The following SIDT1 variants were observed in gnomAD, a reference collection of about 807,000 sequenced individuals.
SIDT1 encodes SID1 transmembrane family member 1.
Under a neutral mutation model 107.5 loss-of-function variants are expected in SIDT1, and 101 were observed. The ratio of observed to expected loss-of-function variants is 0.94; its 90% CI spans 0.80 to 1.11. The LOEUF (loss-of-function observed/expected upper bound fraction) is 1.11. Ranked by LOEUF, SIDT1 falls within the 50% of genes least tolerant of loss-of-function variation. The probability of loss-of-function intolerance (pLI) is 0.00; values close to 1 mark genes in which losing one functional copy is unlikely to be tolerated. For missense variants in SIDT1, 1,076 were observed against 1,058.2 expected, an observed-to-expected ratio of 1.02 and a Z score of -0.23; for synonymous variants, 395 against 398.2, an observed-to-expected ratio of 0.99 and a Z score of 0.10.
At chr3:113,630,681 A>C (rs114492696), downstream of SIDT1, among the ~76,000 whole-genome samples, 2 of 152,050 alleles carry the variant, frequency 1.3e-5, no homozygotes, top group Non-Finnish European at 2.9e-5. Flanking sequence ...GAGTCCACCT[A>C]CTCGCTATGT....
chr3:113,606,863 A>G, intron 14 of SIDT1, 178 bp from the exon 15 acceptor site: 1 of 491,250 alleles, frequency 2.0e-6, no homozygotes. Flanking sequence ...TTTTTGTAAA[A>G]AAAGTGCCTG....
rs375399586 is a variant in SIDT1 at position 113,601,654 on chromosome 3, C to A, written c.1112C>A (p.Thr371Lys). The A allele has an allele frequency of 5.6e-6, 9 of 1,610,470 alleles. No homozygotes were observed. The highest frequency in any genetic ancestry group is 2.2e-5 in the East Asian group (1 of 44,864). ...ASTPEGSNYGTIDESSSSPGR... is the reference protein window; with the variant it reads ...ASTPEGSNYGKIDESSSSPGR... Reference sequence around the variant, plus strand: ...ACACCCGAAGGGAGCAATTATGGGACAATAGGTATGTCCTACCAGGTCTGT... The same window carrying A: ...ACACCCGAAGGGAGCAATTATGGGAAAATAGGTATGTCCTACCAGGTCTGT... Residue 371 changes from threonine to lysine, a missense_variant, in exon 11 of 25, where the codon ACA (threonine) becomes AAA (lysine). Coordinates refer to ENST00000264852, the MANE Select transcript of SIDT1 (RefSeq NM_017699.3).
rs1937609143 is a variant in SIDT1, at chr3:113,532,697, C to T, written c.-325C>T. 1 of 299,276 alleles carries T rather than the reference C, an allele frequency of 3.3e-6. No homozygotes were observed. The highest frequency in any genetic ancestry group is 6.1e-6 in the Non-Finnish European group (1 of 163,068). 18.5% of individuals were successfully genotyped at this position (299,276 alleles called of 1,614,324 possible). On this transcript the variant is annotated 5_prime_UTR_variant, in exon 1 of 25. Transcript: ENST00000264852. Reference sequence around the variant, plus strand: ...GAGGGAGAAGAGATCGGTCTAAATTCTGGCTGGGTAAGTGGGGGGATTCTC... The same window carrying T: ...GAGGGAGAAGAGATCGGTCTAAATTTTGGCTGGGTAAGTGGGGGGATTCTC...
At chr3:113,573,203 G>T (rs186199042) in intron 3 of SIDT1, among the ~76,000 whole-genome samples, 13 of 152,268 alleles carry the variant, frequency 8.5e-5, no homozygotes, top group Admixed American at 6.5e-4. Flanking sequence ...TAGTAGGTCA[G>T]GATCAGGGAA....
chr3:113,637,095 G>A, the SIDT1 span, among the ~76,000 whole-genome samples: 9 of 152,136 alleles, frequency 5.9e-5, no homozygotes, highest in African/African-American at 2.2e-4. Context: ...GAATGACAGT[G>A]GGCCGGGCGC....
intron 6 of SIDT1, among the ~76,000 whole-genome samples, chr3:113,583,088 G>A (rs548019114): frequency 9.2e-5 from 14 of 152,208 alleles, no homozygotes; most frequent in Non-Finnish European, 1.8e-4. Context: ...TAACATGTAA[G>A]CATTAGTTAT....
intron 1 of SIDT1, among the ~76,000 whole-genome samples, chr3:113,546,477 T>C (rs1939606441): frequency 6.6e-6 from 1 of 152,170 alleles, no homozygotes; most frequent in Admixed American, 6.6e-5. Context: ...AACTTATATT[T>C]CAGTTCCCTT....
chr3:113,587,685 G>A (rs2107563482), intron 9 of SIDT1, among the ~76,000 whole-genome samples: 1 of 152,350 alleles, frequency 6.6e-6, no homozygotes, highest in East Asian at 1.9e-4. Flanking sequence ...AGTGGGTACT[G>A]TTATTATCAC....
intron 1 of SIDT1, among the ~76,000 whole-genome samples, chr3:113,558,073 C>G (rs1941066676): frequency 6.6e-6 from 1 of 152,112 alleles, no homozygotes; most frequent in African/African-American, 2.4e-5. Flanking sequence ...GGGATCTGAT[C>G]TATGAAATTA....
chr3:113,551,825 G>C (rs544219646), intron 1 of SIDT1, among the ~76,000 whole-genome samples: 1 of 63,764 alleles, frequency 1.6e-5, no homozygotes, highest in East Asian at 9.9e-4. Context: ...AGTTTTAGGG[G>C]TGTGTGTGTG....
intron 19 of SIDT1, among the ~76,000 whole-genome samples, chr3:113,614,246 G>A (rs903010423): frequency 6.6e-6 from 1 of 152,070 alleles, no homozygotes; most frequent in Non-Finnish European, 1.5e-5. Flanking sequence ...GTCTCCTGCC[G>A]GAATTCCCCA....
rs747238863 is a variant in SIDT1 at position 113,603,119 on chromosome 3, T to C, written c.1232T>C (p.Ile411Thr). 1.1e-5 allele frequency: 17 copies of C among 1,613,784 alleles called. No homozygotes were observed. The highest frequency in any genetic ancestry group is 1.7e-5 in the Admixed American group (1 of 59,962). Residue 411 changes from isoleucine (I) to threonine (T), a missense_variant, in exon 12 of 25, where the codon ATT (isoleucine) becomes ACT (threonine). Transcript: ENST00000264852. ...AGCGACTTCGACACCATGCCAGACATTGAGAGTGATAAAAACATCATCCGG... is the reference window on the plus strand; with the variant it reads ...AGCGACTTCGACACCATGCCAGACACTGAGAGTGATAAAAACATCATCCGG... ...EESDFDTMPD[I>T]ESDKNIIRTK...
At chr3:113,581,677 A>G in intron 6 of SIDT1, 1 of 465,496 alleles carries the variant, frequency 2.1e-6, no homozygotes, top group Non-Finnish European at 3.9e-6. Context: ...GTTTGAGACC[A>G]GCCTGGCCAA....
intron 1 of SIDT1, among the ~76,000 whole-genome samples, chr3:113,544,943 C>A (rs577621050): frequency 2.0e-5 from 3 of 151,758 alleles, no homozygotes; most frequent in Non-Finnish European, 4.4e-5. Context: ...GGCAAAACCC[C>A]GTCTCTACTA....
intron 14 of SIDT1, among the ~76,000 whole-genome samples, chr3:113,605,961 A>C (rs78134078): frequency 0.017 from 2,601 of 151,556 alleles, 79 homozygotes; most frequent in African/African-American, 0.059. Flanking sequence ...GCTGACACTG[A>C]GCCACTGCAC....
intron 1 of SIDT1, among the ~76,000 whole-genome samples, chr3:113,555,717 A>C (rs9827772): frequency 6.6e-6 from 1 of 152,202 alleles, no homozygotes; most frequent in Non-Finnish European, 1.5e-5. Context: ...CCGAGAATTT[A>C]AAAGTAAAGG....
chr3:113,547,277 TTC>T (rs1236883026), intron 1 of SIDT1, among the ~76,000 whole-genome samples: 1 of 152,120 alleles, frequency 6.6e-6, no homozygotes, highest in East Asian at 1.9e-4. Flanking sequence ...AGCAAAAAAC[TTC>T]TTTTTTAAAA....
intron 1 of SIDT1, among the ~76,000 whole-genome samples, chr3:113,538,723 C>T (rs1938471835): frequency 6.6e-6 from 1 of 152,150 alleles, no homozygotes; most frequent in South Asian, 2.1e-4. Flanking sequence ...TAAGAGAGAA[C>T]ATACCTCCTC....
chr3:113,627,039 T>G (rs1280460691), intron 24 of SIDT1, among the ~76,000 whole-genome samples: 2 of 152,118 alleles, frequency 1.3e-5, no homozygotes, highest in Non-Finnish European at 2.9e-5. Flanking sequence ...GTCACCTTCA[T>G]GAGAGAGACA....
Sources: allele counts gnomAD v4.1 joint callset (sites outside exome capture counted in the v4.1 genomes callset), GRCh38; gene constraint gnomAD v4.1.1; transcripts MANE v1.5; gene names NCBI Gene and HGNC (gene_info 2026-07-23, HGNC 2026-07-21).